The following PDE4B variants were observed in gnomAD, a reference collection of about 807,000 sequenced individuals.
PDE4B encodes the protein phosphodiesterase 4B, also known as 3',5'-cyclic-AMP phosphodiesterase 4B.
PDE4B carries 20 observed loss-of-function variants against 82.2 expected under a neutral mutation model. That is an observed-to-expected ratio of 0.24 (90% CI 0.17 to 0.35). PDE4B has a LOEUF of 0.35. PDE4B is among the 10% of genes least tolerant of loss of function. The probability of loss-of-function intolerance (pLI) is 1.00; values close to 1 mark genes in which losing one functional copy is unlikely to be tolerated. For synonymous variants in PDE4B, 320 were observed against 318.9 expected (o/e 1.00, Z -0.04); for missense variants, 655 against 907.2 (o/e 0.72, Z 3.57).
chr1:65,898,836 AACCTAAG>A (rs994185504), intron 1 of PDE4B, among the ~76,000 whole-genome samples: 1 of 152,162 alleles, frequency 6.6e-6, no homozygotes, highest in Non-Finnish European at 1.5e-5. Flanking sequence ...TAAGGACTTA[AACCTAAG>A]ACCTAAAACT....
At chr1:65,872,520 T>G (rs1436060080) in intron 1 of PDE4B, among the ~76,000 whole-genome samples, 1 of 152,204 alleles carries the variant, frequency 6.6e-6, no homozygotes, top group Non-Finnish European at 1.5e-5. Flanking sequence ...ACAGCAGCTT[T>G]ATAATCCTCA....
At chr1:65,979,148 GA>G (rs1197923609) in intron 3 of PDE4B, among the ~76,000 whole-genome samples, 5 of 152,184 alleles carry the variant, frequency 3.3e-5, no homozygotes, top group Non-Finnish European at 7.3e-5. Flanking sequence ...CAGAAAAAAA[GA>G]AGTGATTCAC....
chr1:66,193,414 T>C (rs998064980), intron 3 of PDE4B, among the ~76,000 whole-genome samples: 10 of 152,188 alleles, frequency 6.6e-5, no homozygotes, highest in African/African-American at 2.4e-4. Context: ...AGGTTCACCA[T>C]ATCCCGTTCC....
intron 3 of PDE4B, among the ~76,000 whole-genome samples, chr1:66,129,300 TA>T (rs1181837194): frequency 3.3e-5 from 5 of 152,148 alleles, no homozygotes; most frequent in African/African-American, 1.2e-4. Flanking sequence ...GGGGATAGCA[TA>T]ATAGTCAAAA....
intron 1 of PDE4B, among the ~76,000 whole-genome samples, chr1:65,873,367 G>A (rs546891089): frequency 6.6e-6 from 1 of 152,242 alleles, no homozygotes; most frequent in African/African-American, 2.4e-5. Flanking sequence ...CAAAGAGCCA[G>A]ATACATTTGT....
At chr1:66,104,080 C>A (rs1177686544) in intron 3 of PDE4B, among the ~76,000 whole-genome samples, 1 of 143,316 alleles carries the variant, frequency 7.0e-6, no homozygotes, top group Non-Finnish European at 1.5e-5. Flanking sequence ...TAAAGCTATC[C>A]CTCCTCCCTC....
intron 7 of PDE4B, among the ~76,000 whole-genome samples, chr1:66,295,075 T>C (rs1657404441): frequency 6.6e-6 from 1 of 152,188 alleles, no homozygotes; most frequent in South Asian, 2.1e-4. Flanking sequence ...CATTGGAGTT[T>C]ATGTGTATGG....
intron 3 of PDE4B, among the ~76,000 whole-genome samples, chr1:66,087,401 G>T (rs1383246245): frequency 6.6e-6 from 1 of 152,058 alleles, no homozygotes. Context: ...TTAGCCCTTT[G>T]TCAGATGAGT....
intron 1 of PDE4B, among the ~76,000 whole-genome samples, chr1:65,898,659 C>T (rs1646937998): frequency 6.6e-6 from 1 of 152,014 alleles, no homozygotes; most frequent in Non-Finnish European, 1.5e-5. Flanking sequence ...AGAAATAAAC[C>T]AAAATACTTA....
chr1:66,030,594 A>G (rs1653718269), intron 3 of PDE4B, among the ~76,000 whole-genome samples: 1 of 152,112 alleles, frequency 6.6e-6, no homozygotes, highest in Admixed American at 6.5e-5. Flanking sequence ...CTACTATTTG[A>G]CTCAGCAATC....
At chr1:66,313,156 A>G (rs1658786994) in intron 7 of PDE4B, among the ~76,000 whole-genome samples, 1 of 152,200 alleles carries the variant, frequency 6.6e-6, no homozygotes, top group Non-Finnish European at 1.5e-5. Context: ...TCTGCTTAAA[A>G]TGCACTTACC....
At chr1:66,125,690 G>A (rs1209512568) in intron 3 of PDE4B, among the ~76,000 whole-genome samples, 2 of 152,188 alleles carry the variant, frequency 1.3e-5, no homozygotes, top group Non-Finnish European at 2.9e-5. Context: ...ATGACATTAA[G>A]TGAGGACTTA....
At chr1:66,195,175 A>G (rs886629061) in intron 3 of PDE4B, among the ~76,000 whole-genome samples, 1 of 152,120 alleles carries the variant, frequency 6.6e-6, no homozygotes, top group Non-Finnish European at 1.5e-5. Context: ...TGACAAGCGA[A>G]CTCAGATGTG....
Position 66,272,299 on chromosome 1 carries a change from G to A in PDE4B, c.634+6212G>A, listed in dbSNP as rs1557671600. On this transcript the variant is annotated intron_variant, in intron 7 of 16. Transcript: ENST00000341517. The stretch of plus-strand genomic sequence containing the variant: ...TCTGGACTCTTCCACCTCCAGGATC[G>A]AAGTTAGGGAGACATCTTGAGCAGA... Among the ~76,000 whole-genome samples the A allele has an allele frequency of 3.9e-5, 6 of 152,272 alleles. No homozygotes were observed. The South Asian group carries it at 8.3e-4, about 21-fold the overall frequency.
chr1:66,337,085 G>A (rs1660579210), intron 8 of PDE4B, among the ~76,000 whole-genome samples: 1 of 152,170 alleles, frequency 6.6e-6, no homozygotes, highest in African/African-American at 2.4e-5. Flanking sequence ...CTGGCCAATG[G>A]ATTCATCTTA....
Position 66,241,797 on chromosome 1 carries a change from G to A in PDE4B, c.282-5663G>A, listed in dbSNP as rs904385882. On this transcript the variant is annotated intron_variant, in intron 3 of 16. Coordinates refer to ENST00000341517, the MANE Select transcript of PDE4B (RefSeq NM_002600.4). ...TTCTGTAAGCAAAAACTCCTAGGAC[G>A]GAGTTCCTGGGATACTGAAGGGAGA... Among the ~76,000 whole-genome samples, 4 of 152,228 alleles carry A rather than the reference G, an allele frequency of 2.6e-5. No homozygotes were observed. The South Asian group carries it at 6.2e-4, about 24-fold the overall frequency.
intron 3 of PDE4B, among the ~76,000 whole-genome samples, chr1:66,237,205 C>A (rs146976500): frequency 8.5e-5 from 13 of 152,300 alleles, no homozygotes; most frequent in South Asian, 4.1e-4. Flanking sequence ...AAATGCCAGG[C>A]TGTCTGCAGG....
Position 65,971,648 on chromosome 1 carries a change from A to G in PDE4B, c.281+52813A>G, listed in dbSNP as rs560622104. On this transcript the variant is annotated intron_variant, in intron 3 of 16. Coordinates refer to ENST00000341517, the MANE Select transcript of PDE4B (RefSeq NM_002600.4). ...AAGTGAAATGAAAATGCTGAGAGTG[A>G]TATTTATTCCAACTATTTCCGAAGT... Among the ~76,000 whole-genome samples, 8 of 152,312 alleles carry G rather than the reference A, an allele frequency of 5.3e-5. No homozygotes were observed. The South Asian group carries it at 1.7e-3, about 32-fold the overall frequency.
At chr1:66,014,929 T>A (rs540102273) in intron 3 of PDE4B, among the ~76,000 whole-genome samples, 1 of 152,264 alleles carries the variant, frequency 6.6e-6, no homozygotes, top group South Asian at 2.1e-4. Flanking sequence ...ACAGGTTATG[T>A]TGTAGGACTG....
Sources: allele counts gnomAD v4.1 joint callset (sites outside exome capture counted in the v4.1 genomes callset), GRCh38; gene constraint gnomAD v4.1.1; transcripts MANE v1.5; gene names NCBI Gene and HGNC (gene_info 2026-07-23, HGNC 2026-07-21).